The following EIF3H variants were observed in gnomAD, a reference collection of about 807,000 sequenced individuals.
EIF3H encodes the protein eIF-3-gamma.
A neutral mutation model predicts 44.2 loss-of-function variants in EIF3H; 26 were observed. The observed-to-expected ratio is 0.59, with a 90% CI of 0.43 to 0.82. The LOEUF (loss-of-function observed/expected upper bound fraction) is 0.82, where lower values mean the gene tolerates loss of function less well. EIF3H is among the 40% of genes least tolerant of loss of function. The pLI is 0.00. For missense variants in EIF3H, 359 were observed against 432.8 expected (o/e 0.83, Z 1.51); for synonymous variants, 166 against 151.9 (o/e 1.09, Z -0.68).
chr8:116,650,143 C>T (rs995498832), intron 5 of EIF3H, among the ~76,000 whole-genome samples: 4 of 152,150 alleles, frequency 2.6e-5, no homozygotes, highest in Non-Finnish European at 4.4e-5. Context: ...GTTTATGACA[C>T]ATTTTGCTTA....
chr8:116,704,250 T>C (rs1814430938), intron 2 of EIF3H, among the ~76,000 whole-genome samples: 1 of 152,132 alleles, frequency 6.6e-6, no homozygotes, highest in African/African-American at 2.4e-5. Context: ...CTCAGTAAAA[T>C]GGGAACAGTA....
intron 1 of EIF3H, among the ~76,000 whole-genome samples, chr8:116,733,619 C>A (rs1028497656): frequency 8.7e-5 from 13 of 150,044 alleles, no homozygotes; most frequent in East Asian, 5.9e-4. Flanking sequence ...AAAAAAAAAA[C>A]AAACTCTTAA....
chr8:116,755,809 G>A lies in EIF3H; in HGVS notation c.-12C>T, dbSNP rs190191914. 13 of 1,612,416 alleles carry A rather than the reference G, an allele frequency of 8.1e-6. No individual in the cohort carries two copies. Among genetic ancestry groups the A allele is most frequent in the Non-Finnish European group, 1.1e-5 (13 of 1,180,006 alleles). ...TTGCGGGACGCCATCTTTCCAAGCAGACAGGAAGAAAGAGAAACGTGAGTT... is the reference window on the plus strand; with the variant it reads ...TTGCGGGACGCCATCTTTCCAAGCAAACAGGAAGAAAGAGAAACGTGAGTT... On this transcript the variant is annotated 5_prime_UTR_variant, in exon 1 of 8. Coordinates refer to ENST00000521861, the MANE Select transcript of EIF3H (RefSeq NM_003756.3).
At chr8:116,746,147 T>C (rs1815230961) in intron 1 of EIF3H, among the ~76,000 whole-genome samples, 1 of 152,240 alleles carries the variant, frequency 6.6e-6, no homozygotes, top group African/African-American at 2.4e-5. Context: ...TAGCTACAAA[T>C]CTTCTACAAT....
At chr8:116,725,916 A>T in intron 2 of EIF3H, 100 bp downstream of exon 2, 1 of 1,385,836 alleles carries the variant, frequency 7.2e-7, no homozygotes, top group Non-Finnish European at 9.7e-7. Flanking sequence ...GGCTAGCCTG[A>T]CAGATTCCCA....
intron 1 of EIF3H, among the ~76,000 whole-genome samples, chr8:116,739,333 T>C (rs1277292312): frequency 1.3e-5 from 2 of 152,208 alleles, no homozygotes; most frequent in African/African-American, 2.4e-5. Flanking sequence ...ACAGAAACAA[T>C]GCTTATCACT....
At chr8:116,650,141 C>G (rs1473881810) in intron 5 of EIF3H, among the ~76,000 whole-genome samples, 1 of 152,184 alleles carries the variant, frequency 6.6e-6, no homozygotes, top group African/African-American at 2.4e-5. Flanking sequence ...ATGTTTATGA[C>G]ACATTTTGCT....
intron 2 of EIF3H, among the ~76,000 whole-genome samples, chr8:116,687,995 C>T (rs1814106075): frequency 6.6e-6 from 1 of 152,044 alleles, no homozygotes; most frequent in South Asian, 2.1e-4. Context: ...TAAAGTGTTA[C>T]TACCAATGCA....
intron 2 of EIF3H, among the ~76,000 whole-genome samples, chr8:116,723,628 GGTGT>G (rs1292043485): frequency 2.0e-5 from 3 of 152,166 alleles, no homozygotes; most frequent in Non-Finnish European, 4.4e-5. Context: ...GTACTATGAA[GGTGT>G]GTAAGTCAAA....
At chr8:116,700,043 T>TG (rs1814346211) in intron 2 of EIF3H, among the ~76,000 whole-genome samples, 1 of 152,220 alleles carries the variant, frequency 6.6e-6, no homozygotes, top group Non-Finnish European at 1.5e-5. Flanking sequence ...AGGCCTCAGG[T>TG]GATCCTCCTG....
chr8:116,693,532 T>A (rs1814216061), intron 2 of EIF3H, among the ~76,000 whole-genome samples: 1 of 152,174 alleles, frequency 6.6e-6, no homozygotes, highest in African/African-American at 2.4e-5. Context: ...ATGCTGGAAG[T>A]AAGAATGATA....
At chr8:116,736,687 T>C (rs1815047479) in intron 1 of EIF3H, among the ~76,000 whole-genome samples, 1 of 152,100 alleles carries the variant, frequency 6.6e-6, no homozygotes, top group South Asian at 2.1e-4. Flanking sequence ...GGAATTTATT[T>C]TGTATAAATA....
chr8:116,755,827 C>T (rs569536603), upstream of EIF3H: 20 of 1,609,290 alleles, frequency 1.2e-5, no homozygotes, highest in Admixed American at 1.7e-5. Context: ...GAAAGAGAAA[C>T]GTGAGTTACC....
Position 116,681,418 on chromosome 8 carries a change from A to T in EIF3H, c.290-22438T>A, listed in dbSNP as rs574855625. 1.3e-4 allele frequency among the ~76,000 whole-genome samples: 20 copies of T among 152,170 alleles called. 2 individuals carry two copies. In the South Asian group the frequency reaches 4.2e-3, roughly 32 times the overall value. On this transcript the variant is annotated intron_variant, in intron 2 of 7. Coordinates refer to ENST00000521861, the MANE Select transcript of EIF3H (RefSeq NM_003756.3). ...CACAGTGGCTCATGCCTGCAATCTC[A>T]GCACCTGGGAGGTCGAGGCGGGCGG...
chr8:116,674,376 C>T (rs1048757703), intron 2 of EIF3H, among the ~76,000 whole-genome samples: 2 of 151,512 alleles, frequency 1.3e-5, no homozygotes, highest in Non-Finnish European at 2.9e-5. Context: ...TCCCAGCAAA[C>T]GAAGTAGTGG....
At chr8:116,708,298 C>T (rs911565356) in intron 2 of EIF3H, among the ~76,000 whole-genome samples, 7 of 151,636 alleles carry the variant, frequency 4.6e-5, no homozygotes, top group Non-Finnish European at 8.8e-5. Flanking sequence ...AATGTCACCT[C>T]ATTATTATTA....
At chr8:116,650,250 T>C (rs1408182063) in intron 5 of EIF3H, among the ~76,000 whole-genome samples, 1 of 152,080 alleles carries the variant, frequency 6.6e-6, no homozygotes, top group Non-Finnish European at 1.5e-5. Flanking sequence ...GGCGAGGATG[T>C]GGAAAAATGA....
intron 1 of EIF3H, among the ~76,000 whole-genome samples, chr8:116,730,040 A>C (rs78725282): frequency 7.2e-5 from 11 of 152,214 alleles, no homozygotes; most frequent in Non-Finnish European, 1.2e-4. Context: ...GGAAAAAATC[A>C]CTATTATCAA....
intron 2 of EIF3H, among the ~76,000 whole-genome samples, chr8:116,700,333 G>A (rs77570289): frequency 0.012 from 1,783 of 152,192 alleles, 33 homozygotes; most frequent in African/African-American, 0.04. Context: ...TACAACCTGC[G>A]GCCCAGGACA....
Sources: gnomAD v4.1 joint callset for allele counts (sites outside exome capture counted in the v4.1 genomes callset) on GRCh38, gnomAD v4.1.1 for gene constraint, MANE v1.5 for transcripts, NCBI Gene and HGNC (gene_info 2026-07-23, HGNC 2026-07-21) for gene names.